ME1: variants seen among roughly 807,000 people sequenced by gnomAD.
ME1 encodes the protein malic enzyme 1, also known as NADP-dependent malic enzyme.
Under a neutral mutation model 66.4 loss-of-function variants are expected in ME1, and 74 were observed. The ratio of observed to expected loss-of-function variants is 1.11; its 90% CI spans 0.92 to 1.35. The LOEUF (loss-of-function observed/expected upper bound fraction) is 1.35, where lower values mean the gene tolerates loss of function less well. Ranked by LOEUF, ME1 falls within the 40% of genes most tolerant of loss-of-function variation. The pLI is 0.00. For synonymous variants in ME1, 251 were observed against 235.6 expected (o/e 1.07, Z -0.60); for missense variants, 750 against 694.1 (o/e 1.08, Z -0.90).
At chr6:83,260,784 T>A (rs1474428110) in intron 6 of ME1, among the ~76,000 whole-genome samples, 4 of 152,194 alleles carry the variant, frequency 2.6e-5, no homozygotes, top group Non-Finnish European at 4.4e-5. Context: ...AAGGATGTGA[T>A]CTCACTCTTT....
chr6:83,396,267 G>A (rs1411196514), intron 3 of ME1, among the ~76,000 whole-genome samples: 1 of 152,092 alleles, frequency 6.6e-6, no homozygotes, highest in East Asian at 1.9e-4. Context: ...AGGAGGCTGA[G>A]CCATGAGAAT....
intron 2 of ME1, among the ~76,000 whole-genome samples, chr6:83,399,464 G>A (rs1447454118): frequency 6.6e-6 from 1 of 152,140 alleles, no homozygotes; most frequent in Non-Finnish European, 1.5e-5. Flanking sequence ...TATTAACTAA[G>A]TTAATAGAAA....
intron 7 of ME1, among the ~76,000 whole-genome samples, chr6:83,243,596 T>TATTATAATTACATTATATCGATATA (rs1156365161): frequency 2.4e-4 from 22 of 93,512 alleles, no homozygotes; most frequent in African/African-American, 1.2e-3. Flanking sequence ...CGATATAATC[T>TATTATAATTACATTATATCGATATA]ATTATAATTA....
chr6:83,416,376 A>C lies in ME1; in HGVS notation c.79-8475T>G, dbSNP rs542850135. Among the ~76,000 whole-genome samples, 270 of 152,318 alleles carry C rather than the reference A, an allele frequency of 1.8e-3. 2 individuals are homozygous for C. Among genetic ancestry groups the C allele is most frequent in the Middle Eastern group, 0.01 (3 of 294 alleles). On this transcript the variant is annotated intron_variant, in intron 1 of 13. Transcript: ENST00000369705. ...TTTCAGTATTGTCTGAAAGCCTCTG[A>C]GTTTAAGAATCAGTTTTCAGAGACC...
intron 6 of ME1, among the ~76,000 whole-genome samples, chr6:83,293,907 A>T (rs1003809507): frequency 5.9e-5 from 9 of 152,218 alleles, no homozygotes; most frequent in South Asian, 2.1e-4. Context: ...TAGTTGTAGC[A>T]TCTATTTACT....
At chr6:83,385,915 C>T (rs1255346180) in intron 3 of ME1, among the ~76,000 whole-genome samples, 1 of 151,672 alleles carries the variant, frequency 6.6e-6, no homozygotes, top group Non-Finnish European at 1.5e-5. Context: ...TCATCTATAT[C>T]TCTATAATAA....
At chr6:83,282,998 G>C (rs540093960) in intron 6 of ME1, among the ~76,000 whole-genome samples, 1 of 151,744 alleles carries the variant, frequency 6.6e-6, no homozygotes, top group African/African-American at 2.4e-5. Flanking sequence ...GGAGGCCGAG[G>C]TGGGCGGATC....
intron 3 of ME1, among the ~76,000 whole-genome samples, chr6:83,386,449 C>T (rs934999340): frequency 6.6e-6 from 1 of 151,832 alleles, no homozygotes; most frequent in Non-Finnish European, 1.5e-5. Context: ...AGTTCTGGTT[C>T]ACCTGGGCAG....
intron 6 of ME1, among the ~76,000 whole-genome samples, chr6:83,304,445 G>A (rs1767789514): frequency 2.0e-5 from 3 of 152,188 alleles, no homozygotes; most frequent in South Asian, 4.1e-4. Context: ...TCAGTAGGAT[G>A]AGCCTTTCTT....
intron 6 of ME1, among the ~76,000 whole-genome samples, chr6:83,301,278 TC>T (rs1240215717): frequency 1.3e-5 from 2 of 151,828 alleles, no homozygotes; most frequent in Non-Finnish European, 2.9e-5. Flanking sequence ...CTTCCTTCCC[TC>T]CGTCCCTCCC....
intron 4 of ME1, among the ~76,000 whole-genome samples, chr6:83,348,219 T>C (rs1768724595): frequency 6.6e-6 from 1 of 152,156 alleles, no homozygotes; most frequent in Non-Finnish European, 1.5e-5. Flanking sequence ...TGATTTAAGG[T>C]AAAAAAGATA....
At chr6:83,278,001 T>A (rs1767220136) in intron 6 of ME1, among the ~76,000 whole-genome samples, 1 of 151,992 alleles carries the variant, frequency 6.6e-6, no homozygotes, top group Non-Finnish European at 1.5e-5. Context: ...AACCCTAGAA[T>A]TCTGAATCTA....
chr6:83,286,000 A>T (rs142473560), intron 6 of ME1, among the ~76,000 whole-genome samples: 1 of 152,282 alleles, frequency 6.6e-6, no homozygotes, highest in Non-Finnish European at 1.5e-5. Flanking sequence ...ATTATACCAA[A>T]AGTGGTGCTT....
At chr6:83,276,406 T>A (rs1471924536) in intron 6 of ME1, among the ~76,000 whole-genome samples, 1 of 152,198 alleles carries the variant, frequency 6.6e-6, no homozygotes, top group East Asian at 1.9e-4. Flanking sequence ...AGGAAAGTAG[T>A]TGTGATGCAA....
chr6:83,400,068 C>A (rs1472307683), intron 2 of ME1, among the ~76,000 whole-genome samples: 2 of 152,156 alleles, frequency 1.3e-5, no homozygotes, highest in African/African-American at 4.8e-5. Context: ...CTATCATATT[C>A]TCATGGTTTT....
intron 12 of ME1, among the ~76,000 whole-genome samples, chr6:83,223,505 A>G (rs1052706751): frequency 6.6e-6 from 1 of 152,232 alleles, no homozygotes; most frequent in Non-Finnish European, 1.5e-5. Flanking sequence ...ACTTGATCTG[A>G]TGTGTGAAGA....
At chr6:83,428,800 C>T (rs1289027236) in intron 1 of ME1, among the ~76,000 whole-genome samples, 1 of 152,138 alleles carries the variant, frequency 6.6e-6, no homozygotes, top group Non-Finnish European at 1.5e-5. Flanking sequence ...TCCAATTTGA[C>T]ATAATGCAGA....
At chr6:83,262,849 A>T (rs919696946) in intron 6 of ME1, among the ~76,000 whole-genome samples, 5 of 152,204 alleles carry the variant, frequency 3.3e-5, no homozygotes, top group Admixed American at 3.3e-4. Context: ...GATACCTTCT[A>T]TCTTATTTCA....
chr6:83,358,816 C>A (rs1448006500), intron 3 of ME1, among the ~76,000 whole-genome samples: 1 of 152,110 alleles, frequency 6.6e-6, no homozygotes, highest in Non-Finnish European at 1.5e-5. Flanking sequence ...CCTGCGCTAC[C>A]TGAGGCAACA....
Sources: gnomAD v4.1 joint callset for allele counts (sites outside exome capture counted in the v4.1 genomes callset) on GRCh38, gnomAD v4.1.1 for gene constraint, MANE v1.5 for transcripts, NCBI Gene and HGNC (gene_info 2026-07-23, HGNC 2026-07-21) for gene names.